Variants in GRIN2A observed in about 807,000 individuals in gnomAD.
GRIN2A encodes the protein glutamate ionotropic receptor NMDA type subunit 2A, also known as glutamate receptor ionotropic, NMDA 2A.
A neutral mutation model predicts 113.4 loss-of-function variants in GRIN2A; 22 were observed. The observed-to-expected ratio is 0.19, with a 90% CI of 0.14 to 0.28. The LOEUF is 0.28. GRIN2A is among the 10% of genes least tolerant of loss of function. GRIN2A has a pLI of 1.00. For missense variants in GRIN2A, 1,502 were observed against 1,887.0 expected (o/e 0.80, Z 3.78); for synonymous variants, 827 against 738.4 (o/e 1.12, Z -1.94).
At chr16:9,769,254 A>T in intron 11 of GRIN2A, 165 bp from the exon 12 acceptor site, 1 of 634,626 alleles carries the variant, frequency 1.6e-6, no homozygotes, top group South Asian at 1.8e-5. Flanking sequence ...AGTGAAGATA[A>T]TAATGATTAC....
chr16:10,088,687 C>T (rs1014939970), intron 2 of GRIN2A, among the ~76,000 whole-genome samples: 1 of 152,218 alleles, frequency 6.6e-6, no homozygotes, highest in East Asian at 1.9e-4. Context: ...CCCACCCACT[C>T]GGCTGTGTTG....
At chr16:9,796,820 G>C (rs1903018681) in intron 11 of GRIN2A, among the ~76,000 whole-genome samples, 1 of 152,142 alleles carries the variant, frequency 6.6e-6, no homozygotes, top group Non-Finnish European at 1.5e-5. Context: ...GAAAATAAAT[G>C]CTTACTGTTG....
intron 2 of GRIN2A, among the ~76,000 whole-genome samples, chr16:10,113,800 G>T (rs1001915303): frequency 6.6e-6 from 1 of 152,158 alleles, no homozygotes; most frequent in African/African-American, 2.4e-5. Flanking sequence ...TGTTTAATAT[G>T]TGTGACAGCG....
chr16:9,887,995 C>T (rs941580172), intron 4 of GRIN2A, among the ~76,000 whole-genome samples: 11 of 152,190 alleles, frequency 7.2e-5, no homozygotes, highest in African/African-American at 2.4e-4. Flanking sequence ...GGCTGGAGTG[C>T]AGTAGCTCAA....
chr16:9,938,548 G>T lies in GRIN2A; in HGVS notation c.418C>A (p.Pro140Thr), dbSNP rs776317814. ...GASMIMADKD[P>T]TSTFFQFGAS... The stretch of plus-strand genomic sequence containing the variant: ...CCAAACTGGAAGAAGGTAGACGTCG[G>T]ATCCTGCCAGTGAAAAGAAAGTAAA... Residue 140 changes from proline (P) to threonine (T), a missense_variant, in exon 3 of 13, where the codon CCG (proline) becomes ACG (threonine). This residue lies in a region of GRIN2A where 334 missense variants were observed against 403.0 expected (regional missense o/e 0.83). Transcript: ENST00000330684. 9 of 1,602,136 alleles carry T rather than the reference G, an allele frequency of 5.6e-6. No homozygotes were observed. Among genetic ancestry groups the T allele is most frequent in the Middle Eastern group, 1.7e-4 (1 of 6,060 alleles).
At chr16:9,830,049 G>A (rs896731828) in intron 8 of GRIN2A, among the ~76,000 whole-genome samples, 1 of 152,150 alleles carries the variant, frequency 6.6e-6, no homozygotes, top group Non-Finnish European at 1.5e-5. Context: ...AAATTCATCG[G>A]ATGTGCTATC....
intron 2 of GRIN2A, among the ~76,000 whole-genome samples, chr16:10,070,478 T>C (rs2047728532): frequency 6.6e-6 from 1 of 152,128 alleles, no homozygotes; most frequent in African/African-American, 2.4e-5. Context: ...AAGCCAGCCA[T>C]CTACAACATT....
intron 2 of GRIN2A, among the ~76,000 whole-genome samples, chr16:10,119,282 A>G (rs2048787156): frequency 6.6e-6 from 1 of 152,230 alleles, no homozygotes; most frequent in Admixed American, 6.5e-5. Flanking sequence ...CTCAGGTTAG[A>G]TCCTCATTAC....
chr16:9,782,008 T>G (rs1901966828), intron 11 of GRIN2A, among the ~76,000 whole-genome samples: 1 of 152,130 alleles, frequency 6.6e-6, no homozygotes, highest in South Asian at 2.1e-4. Context: ...AACCAATAAT[T>G]ATAATTAAAG....
intron 2 of GRIN2A, among the ~76,000 whole-genome samples, chr16:9,999,505 C>T (rs1307934305): frequency 2.6e-5 from 4 of 152,104 alleles, no homozygotes; most frequent in African/African-American, 9.7e-5. Context: ...GAAAACCAAA[C>T]ACTGCATGTT....
At chr16:9,877,871 T>C (rs77671361) in intron 4 of GRIN2A, among the ~76,000 whole-genome samples, 1 of 116,434 alleles carries the variant, frequency 8.6e-6, no homozygotes. Context: ...TGCCTCCCTC[T>C]CCCCCAACTC....
At chr16:10,015,858 T>C (rs1204791961) in intron 2 of GRIN2A, among the ~76,000 whole-genome samples, 1 of 152,048 alleles carries the variant, frequency 6.6e-6, no homozygotes, top group African/African-American at 2.4e-5. Context: ...TAGCTGGGCA[T>C]AGTGGCTCAC....
Position 9,849,881 on chromosome 16 carries a change from C to T in GRIN2A, c.1203G>A (p.Pro401=), listed in dbSNP as rs369027920. Residue 401 remains proline (P), a synonymous_variant, in exon 5 of 13, where the codon CCG becomes CCA. Coordinates refer to ENST00000330684, the MANE Select transcript of GRIN2A (RefSeq NM_001134407.3). ...PRYKSFSDCE[P]DDNHLSIVTL... ...TGACGATGCTGAGATGGTTGTCATC[C>T]GGCTCACAGTCGGAGAAGGACTTGT... 1.7e-5 allele frequency: 27 copies of T among 1,613,976 alleles called. No individual in the cohort carries two copies. Among genetic ancestry groups the T allele is most frequent in the Middle Eastern group, 1.6e-4 (1 of 6,062 alleles).
At chr16:9,999,162 A>G (rs900410721) in intron 2 of GRIN2A, among the ~76,000 whole-genome samples, 1 of 152,210 alleles carries the variant, frequency 6.6e-6, no homozygotes, top group Non-Finnish European at 1.5e-5. Flanking sequence ...CTTATGTCAA[A>G]GAGTTTCCAG....
chr16:9,980,824 A>G (rs2045877836), intron 2 of GRIN2A, among the ~76,000 whole-genome samples: 1 of 112,398 alleles, frequency 8.9e-6, no homozygotes, highest in African/African-American at 3.5e-5. Context: ...AACATCACAC[A>G]CCAGGGACTG....
intron 2 of GRIN2A, among the ~76,000 whole-genome samples, chr16:10,027,873 A>G (rs2046852828): frequency 6.6e-6 from 1 of 152,102 alleles, no homozygotes; most frequent in South Asian, 2.1e-4. Context: ...GCATTCCGAA[A>G]AGCACCCTTG....
intron 5 of GRIN2A, among the ~76,000 whole-genome samples, chr16:9,843,123 G>A (rs940221894): frequency 6.6e-6 from 1 of 151,830 alleles, no homozygotes; most frequent in East Asian, 1.9e-4. Context: ...AACGAGGAAA[G>A]GAAGAAAGGA....
At chr16:10,111,499 T>C in intron 2 of GRIN2A, 2 of 691,642 alleles carry the variant, frequency 2.9e-6, no homozygotes, top group Non-Finnish European at 5.3e-6. Context: ...GATTCTCCCA[T>C]GGTTCATAGA....
intron 2 of GRIN2A, among the ~76,000 whole-genome samples, chr16:10,070,684 GC>G (rs1351967574): frequency 2.0e-5 from 3 of 152,066 alleles, no homozygotes; most frequent in African/African-American, 7.2e-5. Flanking sequence ...TTTTTAGCAG[GC>G]CCTTCTTCCC....
Sources: gnomAD v4.1 joint callset for allele counts (sites outside exome capture counted in the v4.1 genomes callset) on GRCh38, gnomAD v4.1.1 for gene constraint, gnomAD v4.1.1 regional missense constraint, MANE v1.5 for transcripts, NCBI Gene and HGNC (gene_info 2026-07-23, HGNC 2026-07-21) for gene names.